PARP9: variants seen among roughly 807,000 people sequenced by gnomAD.
The protein encoded by PARP9 is poly(ADP-ribose) polymerase family member 9.
A neutral mutation model predicts 68.8 loss-of-function variants in PARP9; 48 were observed. That is an observed-to-expected ratio of 0.70 (90% CI 0.55 to 0.89). The LOEUF (loss-of-function observed/expected upper bound fraction) is 0.89, where lower values mean the gene tolerates loss of function less well. Among genes scored for constraint, PARP9 ranks in the 40% least tolerant of loss-of-function variants. PARP9 has a pLI of 0.00. For missense variants in PARP9, 806 were observed against 969.3 expected (o/e 0.83, Z 2.24); for synonymous variants, 309 against 333.8 (o/e 0.93, Z 0.81).
chr3:122,528,648 C>T lies in PARP9; in HGVS notation c.2176G>A (p.Val726Met). 1 of 1,614,180 alleles carries T rather than the reference C, an allele frequency of 6.2e-7. No homozygotes were observed. Among genetic ancestry groups the T allele is most frequent in the Non-Finnish European group, 8.5e-7 (1 of 1,180,034 alleles). The change falls in exon 11 of 11, where the codon GTG becomes ATG. Residue 726 changes from valine (V) to methionine (M), a missense_variant. Around this residue, in one of 2 missense-constraint regions of PARP9, gnomAD observed 680 missense variants for 858.8 expected, o/e 0.79. Transcript: ENST00000682323. ...CCTGTGAGTACTTCAGCCTCAAACA[C>T]ATAGATCAGCTTATCTGCAGCAGAG... ...KISAADKLIY[V>M]FEAEVLTGFF...
chr3:122,561,111 T>G (rs2080166592), intron 1 of PARP9, among the ~76,000 whole-genome samples: 1 of 152,252 alleles, frequency 6.6e-6, no homozygotes, highest in South Asian at 2.1e-4. Flanking sequence ...TCTGTCCACC[T>G]GCCCACTCAG....
At chr3:122,534,720 A>G (rs973056239) in intron 10 of PARP9, 6 of 207,454 alleles carry the variant, frequency 2.9e-5, no homozygotes, top group Non-Finnish European at 2.5e-5. Flanking sequence ...TAAAAAAAAT[A>G]CAAAAATTAA....
intron 8 of PARP9, among the ~76,000 whole-genome samples, chr3:122,538,658 CCACACACACACACACACACACA>C (rs10577699): frequency 4.1e-5 from 6 of 144,942 alleles, no homozygotes; most frequent in African/African-American, 1.5e-4. Context: ...TAAAGCAATG[CCACACACACACACACACACACA>C]CACACACACA....
chr3:122,537,189 C>T, intron 8 of PARP9, 116 bp from the exon 9 acceptor site: 5 of 1,116,060 alleles, frequency 4.5e-6, no homozygotes, highest in South Asian at 1.6e-5. Context: ...AAATTGTGTG[C>T]CTCATGTGTT....
intron 4 of PARP9, 21 bp downstream of exon 4, chr3:122,555,265 A>C: frequency 6.3e-7 from 1 of 1,581,654 alleles, no homozygotes; most frequent in Non-Finnish European, 8.6e-7. Flanking sequence ...CCAGTGCAAG[A>C]GAATAGAAAC....
intron 9 of PARP9, 64 bp from the exon 10 acceptor site, chr3:122,536,406 A>G: frequency 9.0e-6 from 14 of 1,556,360 alleles, no homozygotes; most frequent in Non-Finnish European, 1.2e-5. Flanking sequence ...ATTGCCTGCT[A>G]TACTGCTTCA....
intron 10 of PARP9, chr3:122,535,843 CAA>C (rs10716375): frequency 0.2 from 179,762 of 917,640 alleles, 15 homozygotes; most frequent in Non-Finnish European, 0.21. Context: ...ATAAGTAAGG[CAA>C]AAAAAAAAAA....
chr3:122,553,981 A>G (rs1259485998), intron 4 of PARP9, among the ~76,000 whole-genome samples: 1 of 151,934 alleles, frequency 6.6e-6, no homozygotes, highest in African/African-American at 2.4e-5. Context: ...GTTCACCGCT[A>G]CCCTGACTCC....
chr3:122,535,500 T>C, intron 10 of PARP9: 2 of 985,394 alleles, frequency 2.0e-6, no homozygotes, highest in Non-Finnish European at 2.4e-6. Flanking sequence ...CTCCATAATT[T>C]TTACTAAATT....
Position 122,548,723 on chromosome 3 carries a change from C to T in PARP9, c.1326+1861G>A, listed in dbSNP as rs147154562. On this transcript the variant is annotated intron_variant, in intron 6 of 10. Coordinates refer to ENST00000682323, the MANE Select transcript of PARP9 (RefSeq NM_001146105.2). ...AGTGCACTCAGACACATAAGACAAG[C>T]TCCCCTCCAACACATGGACCCCAAA... 1.7e-3 allele frequency among the ~76,000 whole-genome samples: 263 copies of T among 152,286 alleles called. 2 individuals are homozygous for T. The highest frequency in any genetic ancestry group is 6.2e-3 in the African/African-American group (257 of 41,562).
At chr3:122,532,960 T>C (rs1229937342) in intron 10 of PARP9, 1 of 152,256 alleles carries the variant, frequency 6.6e-6, no homozygotes, top group African/African-American at 2.4e-5. Context: ...CTAAGGAGTT[T>C]GGGCTTTTAT....
chr3:122,529,567 G>A (rs1457801385), intron 10 of PARP9, among the ~76,000 whole-genome samples: 1 of 151,420 alleles, frequency 6.6e-6, no homozygotes, highest in African/African-American at 2.4e-5. Context: ...TGGCTAACAC[G>A]GTGAAACCCC....
At chr3:122,534,933 C>A in intron 10 of PARP9, 1 of 981,550 alleles carries the variant, frequency 1.0e-6, no homozygotes, top group Non-Finnish European at 1.2e-6. Context: ...GATGATGAGT[C>A]TGGCTAAGAC....
chr3:122,529,668 G>A (rs757847757), intron 10 of PARP9, among the ~76,000 whole-genome samples: 4 of 151,532 alleles, frequency 2.6e-5, no homozygotes, highest in Non-Finnish European at 5.9e-5. Flanking sequence ...GCAGGAGAAT[G>A]GCATGAACCC....
intron 6 of PARP9, among the ~76,000 whole-genome samples, chr3:122,550,062 CTTCT>C (rs1373160216): frequency 6.6e-6 from 1 of 152,070 alleles, no homozygotes; most frequent in African/African-American, 2.4e-5. Flanking sequence ...GTAAACATGG[CTTCT>C]TTGTTTTTTG....
chr3:122,545,694 A>G, intron 6 of PARP9: 1 of 549,748 alleles, frequency 1.8e-6, no homozygotes, highest in East Asian at 2.9e-5. Flanking sequence ...AGCATAGGAA[A>G]AATGGAGATG....
At chr3:122,542,404 A>G (rs1438481123) in intron 7 of PARP9, among the ~76,000 whole-genome samples, 3 of 151,186 alleles carry the variant, frequency 2.0e-5, no homozygotes, top group Non-Finnish European at 4.4e-5. Context: ...TCATAATAAT[A>G]ATAATACTAA....
At chr3:122,546,845 C>T (rs2078735212) in intron 6 of PARP9, among the ~76,000 whole-genome samples, 1 of 151,216 alleles carries the variant, frequency 6.6e-6, no homozygotes, top group African/African-American at 2.4e-5. Context: ...GCATATTAAC[C>T]TCTGGGTTAT....
At chr3:122,532,053 C>A in intron 10 of PARP9, 1 of 689,266 alleles carries the variant, frequency 1.5e-6, no homozygotes, top group Non-Finnish European at 1.8e-6. Context: ...ACTCACAGAG[C>A]AGACAGGACC....
Sources: gnomAD v4.1 joint callset for allele counts (sites outside exome capture counted in the v4.1 genomes callset) on GRCh38, gnomAD v4.1.1 for gene constraint, gnomAD v4.1.1 regional missense constraint, MANE v1.5 for transcripts, NCBI Gene and HGNC (gene_info 2026-07-23, HGNC 2026-07-21) for gene names.